Variants in ABHD2 observed in about 807,000 individuals in gnomAD.
ABHD2 encodes monoacylglycerol lipase ABHD2.
A neutral mutation model predicts 48.1 loss-of-function variants in ABHD2; 20 were observed. The ratio of observed to expected loss-of-function variants is 0.42; its 90% CI spans 0.29 to 0.60. The LOEUF (loss-of-function observed/expected upper bound fraction) is 0.60. Among genes scored for constraint, ABHD2 ranks in the 20% least tolerant of loss-of-function variants. ABHD2 has a pLI of 0.24. For missense variants in ABHD2, 405 were observed against 550.9 expected (o/e 0.74, Z 2.65); for synonymous variants, 209 against 214.2 (o/e 0.98, Z 0.21).
At chr15:89,170,809 C>T (rs771949834) in intron 5 of ABHD2, among the ~76,000 whole-genome samples, 1 of 152,086 alleles carries the variant, frequency 6.6e-6, no homozygotes, top group Admixed American at 6.5e-5. Context: ...AGCATCTTTT[C>T]GAGCTGCACT....
chr15:89,055,323 CTTTTT>C, the ABHD2 span, among the ~76,000 whole-genome samples: 1 of 124,792 alleles, frequency 8.0e-6, no homozygotes, highest in Admixed American at 8.4e-5. Context: ...ACACTAGTTT[CTTTTT>C]TTTTTTTTTT....
chr15:89,128,789 G>C (rs1268868283), intron 3 of ABHD2, among the ~76,000 whole-genome samples: 3 of 152,002 alleles, frequency 2.0e-5, no homozygotes, highest in Non-Finnish European at 2.9e-5. Context: ...TATGGTCTGT[G>C]GGGGGGAGGA....
rs369871041 is a variant in ABHD2, at chr15:89,191,332, C to T, written c.996+183C>T. ...CCCTCTGTAACTGCCATACATTAATCCCAGAGCTGCCCCTTAGACTGGTGT... is the reference window on the plus strand; with the variant it reads ...CCCTCTGTAACTGCCATACATTAATTCCAGAGCTGCCCCTTAGACTGGTGT... On this transcript the variant is annotated intron_variant, in intron 9 of 10. Transcript: ENST00000352732. Among the ~76,000 whole-genome samples, 19 of 152,288 alleles carry T rather than the reference C, an allele frequency of 1.2e-4. 1 individual carries two copies. In the East Asian group the frequency reaches 3.5e-3, roughly 28 times the overall value.
At chr15:89,161,425 C>G (rs115426961) in intron 5 of ABHD2, among the ~76,000 whole-genome samples, 8,954 of 152,034 alleles carry the variant, frequency 0.059, 924 homozygotes, top group African/African-American at 0.2. Context: ...TTCTGAGACA[C>G]TGTCTCACTC....
the ABHD2 span, among the ~76,000 whole-genome samples, chr15:89,066,675 A>G: frequency 6.6e-6 from 1 of 152,120 alleles, no homozygotes; most frequent in Admixed American, 6.5e-5. Context: ...AGTAAATAGG[A>G]GGTGCTGGAG....
chr15:89,195,093 G>C lies in ABHD2; in HGVS notation c.1082-134G>C. ...CCCCCTCTTTGGTGAACAAGGCAGA[G>C]TGAGTAGAGGTTGGATGCCCACTTA... On this transcript the variant is annotated intron_variant, in intron 10 of 10. Transcript: ENST00000352732. This position sits in a 1 kb window ranked among gnomAD's most constrained non-coding sequence, Gnocchi z 5.1. 1.1e-6 allele frequency: 1 copy of C among 925,928 alleles called. No homozygotes were observed. Among genetic ancestry groups the C allele is most frequent in the Admixed American group, 2.5e-5 (1 of 40,112 alleles). The allele number at this position is 925,928 out of a possible 1,614,324, so 57.4% of individuals were successfully genotyped here. A position where few individuals can be genotyped will look rare whatever the true frequency, so the allele number is the denominator to read the frequency against.
upstream of ABHD2, chr15:89,087,271 G>C (rs148391335): frequency 6.6e-6 from 1 of 152,238 alleles, no homozygotes; most frequent in Non-Finnish European, 1.5e-5. The surrounding 1 kb of genome is among the most constrained non-coding windows in gnomAD (Gnocchi z 5.5). Flanking sequence ...CCTGAAATAT[G>C]TTGGGAAAAA....
the ABHD2 span, among the ~76,000 whole-genome samples, chr15:89,041,927 A>G: frequency 3.3e-5 from 5 of 152,176 alleles, no homozygotes; most frequent in African/African-American, 1.2e-4. Context: ...GTCAAACATC[A>G]GGGCAGGAGG....
chr15:89,109,922 A>G (rs1014705600), intron 1 of ABHD2, among the ~76,000 whole-genome samples: 2 of 152,242 alleles, frequency 1.3e-5, no homozygotes, highest in African/African-American at 4.8e-5. Context: ...CTGATATAAA[A>G]TGACATAGTA....
chr15:89,047,324 G>C, the ABHD2 span, among the ~76,000 whole-genome samples: 1 of 150,944 alleles, frequency 6.6e-6, no homozygotes, highest in Non-Finnish European at 1.5e-5. Context: ...CAAGTATGTG[G>C]TCAATTTTGG....
chr15:89,130,311 G>A (rs1285599110), intron 3 of ABHD2, among the ~76,000 whole-genome samples: 1 of 152,182 alleles, frequency 6.6e-6, no homozygotes, highest in Non-Finnish European at 1.5e-5. Context: ...CAGGACCCCA[G>A]CTGATGGAGG....
intron 9 of ABHD2, 48 bp from the exon 10 acceptor site, chr15:89,193,187 T>G: frequency 6.3e-7 from 1 of 1,578,650 alleles, no homozygotes; most frequent in Non-Finnish European, 8.7e-7. Flanking sequence ...CGATGGGGTC[T>G]GAAAATGGGA....
In ABHD2 at chr15:89,116,963, G is replaced by A. The variant is rs2150815983; in HGVS notation, c.194+442G>A. 6.6e-6 allele frequency among the ~76,000 whole-genome samples: 1 copy of A among 152,302 alleles called. No homozygotes were observed. The highest frequency in any genetic ancestry group is 6.5e-5 in the Admixed American group (1 of 15,310). The stretch of plus-strand genomic sequence containing the variant: ...TTGTTGAAAAATGTACCAAGCATTA[G>A]CTAAGAGAATGCACTTAAAGAGAGT... On this transcript the variant is annotated intron_variant, in intron 3 of 10. Coordinates refer to ENST00000352732, the MANE Select transcript of ABHD2 (RefSeq NM_152924.5). This position sits in a 1 kb window ranked among gnomAD's most constrained non-coding sequence, Gnocchi z 4.6.
In ABHD2 at chr15:89,201,285, A is replaced by G; in HGVS notation, c.*5862A>G. The G allele has an allele frequency of 8.6e-7, 1 of 1,159,962 alleles. No individual in the cohort carries two copies. The highest frequency in any genetic ancestry group is 1.3e-6 in the Non-Finnish European group (1 of 783,262). The allele number at this position is 1,159,962 out of a possible 1,614,324, so 71.9% of individuals were successfully genotyped here. A position where few individuals can be genotyped will look rare whatever the true frequency, so the allele number is the denominator to read the frequency against. On this transcript the variant is annotated 3_prime_UTR_variant, in exon 11 of 11. Coordinates refer to ENST00000352732, the MANE Select transcript of ABHD2 (RefSeq NM_152924.5). ...ATCATTTCTCCCTGAAGTCTTTTAC[A>G]CTCTTCTGTTAGTTTCCTTGTTTCA...
intron 1 of ABHD2, among the ~76,000 whole-genome samples, chr15:89,101,837 G>A (rs1021824587): frequency 2.6e-5 from 4 of 152,168 alleles, no homozygotes; most frequent in Non-Finnish European, 4.4e-5. Flanking sequence ...TCAAGGGCTT[G>A]CAGTGGGGCT....
At chr15:89,147,384 C>T (rs552875344) in intron 3 of ABHD2, among the ~76,000 whole-genome samples, 61 of 128,832 alleles carry the variant, frequency 4.7e-4, no homozygotes, top group African/African-American at 1.6e-3. Flanking sequence ...GACAGAGTCT[C>T]GCTCTTTCGC....
intron 1 of ABHD2, among the ~76,000 whole-genome samples, chr15:89,112,208 C>T (rs1449003035): frequency 6.6e-6 from 1 of 152,112 alleles, no homozygotes; most frequent in East Asian, 1.9e-4. Flanking sequence ...CCATTGTTGC[C>T]GTGTGAGAAT....
At chr15:89,169,851 G>A (rs1302131691) in intron 5 of ABHD2, among the ~76,000 whole-genome samples, 1 of 151,994 alleles carries the variant, frequency 6.6e-6, no homozygotes, top group Non-Finnish European at 1.5e-5. Flanking sequence ...CTGTGCCAAA[G>A]GCTACATACA....
the ABHD2 span, among the ~76,000 whole-genome samples, chr15:89,042,265 C>T: frequency 6.6e-6 from 1 of 152,144 alleles, no homozygotes; most frequent in Non-Finnish European, 1.5e-5. Flanking sequence ...TGCTTAGGAC[C>T]ACTCAGTGAC....
Sources: gnomAD v4.1 joint callset for allele counts (sites outside exome capture counted in the v4.1 genomes callset) on GRCh38, gnomAD v4.1.1 for gene constraint, Gnocchi (gnomAD v3.1) non-coding constraint, MANE v1.5 for transcripts, NCBI Gene and HGNC (gene_info 2026-07-23, HGNC 2026-07-21) for gene names.